The following ADCY1 variants were observed in gnomAD, a reference collection of about 807,000 sequenced individuals.
The protein encoded by ADCY1 is adenylate cyclase type 1.
A neutral mutation model predicts 105.4 loss-of-function variants in ADCY1; 28 were observed. The observed-to-expected ratio is 0.27, with a 90% CI of 0.20 to 0.36. The LOEUF (loss-of-function observed/expected upper bound fraction) is 0.36, where lower values mean the gene tolerates loss of function less well. Among genes scored for constraint, ADCY1 ranks in the 10% least tolerant of loss-of-function variants. ADCY1 has a pLI of 1.00. For synonymous variants in ADCY1, 655 were observed against 623.8 expected, an observed-to-expected ratio of 1.05 and a Z score of -0.75; for missense variants, 977 against 1,434.2, an observed-to-expected ratio of 0.68 and a Z score of 5.15.
At chr7:45,599,913 G>A (rs1584259686) in intron 2 of ADCY1, among the ~76,000 whole-genome samples, 1 of 152,202 alleles carries the variant, frequency 6.6e-6, no homozygotes, top group South Asian at 2.1e-4. Context: ...GGTGTGAGCC[G>A]CCTTGAGCGG....
intron 8 of ADCY1, among the ~76,000 whole-genome samples, chr7:45,675,227 T>A (rs185899395): frequency 1.3e-5 from 2 of 152,310 alleles, no homozygotes; most frequent in African/African-American, 4.8e-5. Context: ...TATCTAGATA[T>A]GTATTATTTT....
intron 1 of ADCY1, among the ~76,000 whole-genome samples, chr7:45,578,554 G>A (rs1468910869): frequency 2.0e-5 from 3 of 152,198 alleles, no homozygotes; most frequent in African/African-American, 4.8e-5. Context: ...GGACCATGGG[G>A]TATTAGGAAG....
At chr7:45,670,606 G>A (rs890752289) in intron 8 of ADCY1, among the ~76,000 whole-genome samples, 58 of 152,086 alleles carry the variant, frequency 3.8e-4, no homozygotes, top group African/African-American at 1.4e-3. Flanking sequence ...ACCTGAGAGT[G>A]GACCTGTGTC....
In ADCY1 at chr7:45,721,935, A is replaced by G. The variant is rs1294539590; in HGVS notation, c.*7940A>G. 2 of 398,112 alleles carry G rather than the reference A, an allele frequency of 5.0e-6. No individual in the cohort carries two copies. The highest frequency in any genetic ancestry group is 8.9e-6 in the Non-Finnish European group (2 of 225,986). 24.7% of individuals were successfully genotyped at this position (398,112 alleles called of 1,614,324 possible). On this transcript the variant is annotated 3_prime_UTR_variant, in exon 20 of 20. Transcript: ENST00000297323. ...GCCTAGATGAACTCCCAAGAGATCT[A>G]TTAAATCTTGTGGGCTGAATAAATA...
intron 2 of ADCY1, among the ~76,000 whole-genome samples, chr7:45,593,156 C>T (rs771722095): frequency 5.9e-5 from 9 of 152,140 alleles, no homozygotes; most frequent in African/African-American, 9.7e-5. Flanking sequence ...AGCATTTGGG[C>T]GCACGGACTT....
rs397889997 is a variant in ADCY1 at position 45,720,513 on chromosome 7, CAA to C, written c.*6533_*6534del. The C allele has an allele frequency of 7.9e-4, 89 of 112,620 alleles. 1 individual carries two copies. The highest frequency in any genetic ancestry group is 9.0e-4 in the Admixed American group (9 of 9,952). The allele number at this position is 112,620 out of a possible 1,614,324, so 7.0% of individuals were successfully genotyped here. A position where few individuals can be genotyped will look rare whatever the true frequency, so the allele number is the denominator to read the frequency against. On this transcript the variant is annotated 3_prime_UTR_variant, in exon 20 of 20. Transcript: ENST00000297323. Reference sequence around the variant, plus strand: ...CCTGGGCGACAGAGCAAGACTCTCTCAAAAAAAAAAAAAAAAGAAAGAAAGAA... The same window carrying C: ...CCTGGGCGACAGAGCAAGACTCTCTCAAAAAAAAAAAAAAGAAAGAAAGAA...
intron 11 of ADCY1, among the ~76,000 whole-genome samples, chr7:45,681,846 G>A (rs989921856): frequency 6.6e-6 from 1 of 152,100 alleles, no homozygotes; most frequent in African/African-American, 2.4e-5. Flanking sequence ...TCATGCAGAC[G>A]GAGTTAGTTC....
intron 2 of ADCY1, among the ~76,000 whole-genome samples, chr7:45,604,523 A>T (rs1389430609): frequency 1.3e-5 from 2 of 152,228 alleles, no homozygotes; most frequent in African/African-American, 4.8e-5. Context: ...GGTTTAGGTT[A>T]AGATTCATTT....
At chr7:45,713,487 T>C (rs1242745046) in intron 19 of ADCY1, among the ~76,000 whole-genome samples, 1 of 152,226 alleles carries the variant, frequency 6.6e-6, no homozygotes, top group Non-Finnish European at 1.5e-5. Flanking sequence ...TTTGCAGGGC[T>C]GTGTCTTTTT....
rs139030994 is a variant in ADCY1 at position 45,657,781 on chromosome 7, G to A, written c.1203G>A (p.Thr401=). The change falls in exon 6 of 20, where the codon ACG becomes ACA. Residue 401 remains threonine (T), a synonymous_variant. Transcript: ENST00000297323. ...VDLNMRVGLH[T]GRVLCGVLGL... ...TGAACATGCGTGTGGGTCTGCACAC[G>A]GGCAGGGTCCTCTGTGGTGTCCTGG... 168 of 1,613,902 alleles carry A rather than the reference G, an allele frequency of 1.0e-4. No individual in the cohort carries two copies. Among genetic ancestry groups the A allele is most frequent in the Middle Eastern group, 1.6e-4 (1 of 6,082 alleles).
intron 5 of ADCY1, among the ~76,000 whole-genome samples, 179 bp from the exon 6 acceptor site, chr7:45,657,548 G>A (rs1197336496): frequency 6.6e-6 from 1 of 152,232 alleles, no homozygotes; most frequent in Non-Finnish European, 1.5e-5. Context: ...TCAGCCCACA[G>A]GTGGGCAGGA....
At chr7:45,700,575 G>A (rs1195373458) in intron 14 of ADCY1, among the ~76,000 whole-genome samples, 2 of 152,220 alleles carry the variant, frequency 1.3e-5, no homozygotes, top group African/African-American at 4.8e-5. Context: ...GTTCAGTGAG[G>A]TTTGGGGAGA....
intron 5 of ADCY1, among the ~76,000 whole-genome samples, chr7:45,649,156 A>G (rs1444047780): frequency 6.6e-6 from 1 of 152,216 alleles, no homozygotes; most frequent in Non-Finnish European, 1.5e-5. Context: ...TGAATTCTCT[A>G]TTAAAAGGAA....
At chr7:45,596,624 G>A (rs1793080771) in intron 2 of ADCY1, among the ~76,000 whole-genome samples, 3 of 152,184 alleles carry the variant, frequency 2.0e-5, no homozygotes, top group East Asian at 1.9e-4. Context: ...GTGGAATGCC[G>A]GGCACGTCCA....
At chr7:45,599,543 T>A (rs1730575688) in intron 2 of ADCY1, among the ~76,000 whole-genome samples, 2 of 151,420 alleles carry the variant, frequency 1.3e-5, no homozygotes, top group Non-Finnish European at 2.9e-5. Context: ...ATGCCGGAGC[T>A]GGTTGTCGCC....
chr7:45,598,209 C>T (rs189333102), intron 2 of ADCY1, among the ~76,000 whole-genome samples: 9 of 152,072 alleles, frequency 5.9e-5, no homozygotes, highest in East Asian at 5.8e-4. Flanking sequence ...GATAACGGAG[C>T]GAATAATAGA....
intron 14 of ADCY1, among the ~76,000 whole-genome samples, chr7:45,701,836 A>G (rs1584342114): frequency 6.6e-6 from 1 of 152,232 alleles, no homozygotes; most frequent in Non-Finnish European, 1.5e-5. Context: ...GTGTGGCTCC[A>G]GCCCATCTGG....
chr7:45,590,258 C>T (rs1034809807), intron 1 of ADCY1, among the ~76,000 whole-genome samples: 2 of 152,178 alleles, frequency 1.3e-5, no homozygotes, highest in African/African-American at 4.8e-5. Flanking sequence ...GTAATCTAAG[C>T]CCATTGTGTT....
chr7:45,692,984 A>C lies in ADCY1; in HGVS notation c.2454+6311A>C, dbSNP rs527640467. Among the ~76,000 whole-genome samples the C allele has an allele frequency of 1.1e-4, 17 of 152,400 alleles. No homozygotes were observed. The East Asian group carries it at 2.5e-3, about 22-fold the overall frequency. ...AGGGGTCAGTTTATCAAGAGGACAT[A>C]GTCCTAAACATTTATGTACCTAAAA... On this transcript the variant is annotated intron_variant, in intron 14 of 19. Transcript: ENST00000297323.
Sources: gnomAD v4.1 joint callset for allele counts (sites outside exome capture counted in the v4.1 genomes callset) on GRCh38, gnomAD v4.1.1 for gene constraint, MANE v1.5 for transcripts, NCBI Gene and HGNC (gene_info 2026-07-23, HGNC 2026-07-21) for gene names.